The following TNKS variants were observed in gnomAD, a reference collection of about 807,000 sequenced individuals.
The protein encoded by TNKS is poly [ADP-ribose] polymerase tankyrase-1.
A neutral mutation model predicts 135.8 loss-of-function variants in TNKS; 72 were observed. The ratio of observed to expected loss-of-function variants is 0.53; its 90% CI spans 0.44 to 0.64. The LOEUF is 0.64. Ranked by LOEUF, TNKS falls within the 30% of genes least tolerant of loss-of-function variation. TNKS has a pLI of 0.00. For synonymous variants in TNKS, 849 were observed against 649.3 expected (o/e 1.31, Z -4.68); for missense variants, 1,769 against 1,674.0 (o/e 1.06, Z -0.99).
chr8:9,735,398 T>C lies in TNKS; in HGVS notation c.2555T>C (p.Val852Ala). The C allele has an allele frequency of 6.2e-7, 1 of 1,614,074 alleles. No individual in the cohort carries two copies. Residue 852 changes from valine to alanine, a missense_variant, in exon 17 of 27, where the codon GTA becomes GCA. Physicochemically the swap from Val to Ala is moderately conservative, Grantham distance 64 (BLOSUM62 0). Around this residue, in one of 5 missense-constraint regions of TNKS, gnomAD observed 722 missense variants for 688.9 expected, o/e 1.05. Transcript: ENST00000310430. The part of the protein sequence containing the change: ...HLAAGYNNLE[V>A]AEYLLEHGAD... The stretch of plus-strand genomic sequence containing the variant: ...ATAGCAGGCTATAATAACCTGGAAG[T>C]AGCTGAATATCTTCTAGAGCATGGA...
At chr8:9,680,350 T>TTTTTTTTGTG (rs144968749) in intron 4 of TNKS, among the ~76,000 whole-genome samples, 12,428 of 151,742 alleles carry the variant, frequency 0.082, 552 homozygotes, top group South Asian at 0.18. Context: ...TCCTCATCTA[T>TTTTTTTTGTG]TTTTTTTGTG....
chr8:9,660,831 G>C (rs2128787368), intron 3 of TNKS, among the ~76,000 whole-genome samples: 1 of 152,256 alleles, frequency 6.6e-6, no homozygotes, highest in South Asian at 2.1e-4. Flanking sequence ...TGTATATCTA[G>C]AAAACCCCAT....
intron 1 of TNKS, among the ~76,000 whole-genome samples, chr8:9,576,613 T>G (rs1353121559): frequency 6.6e-6 from 1 of 151,994 alleles, no homozygotes; most frequent in Non-Finnish European, 1.5e-5. Flanking sequence ...TTCACTCATG[T>G]GACAGCACTA....
chr8:9,556,799 G>C (rs1344763673), intron 1 of TNKS, 187 bp downstream of exon 1: 265 of 392,884 alleles, frequency 6.7e-4, no homozygotes, highest in East Asian at 8.1e-4. Flanking sequence ...GGTTGGGGGG[G>C]ATAAGTGAAT....
rs1554476739 is a variant in TNKS at position 9,717,103 on chromosome 8, T to TATATATATATATATATATATTTA, written c.1750-3271_1750-3270insATATATATATATATATATATTTA. 1.5e-3 allele frequency among the ~76,000 whole-genome samples: 58 copies of TATATATATATATATATATATTTA among 39,272 alleles called. 2 individuals are homozygous for TATATATATATATATATATATTTA. Among genetic ancestry groups the TATATATATATATATATATATTTA allele is most frequent in the South Asian group, 9.3e-3 (11 of 1,188 alleles). 25.8% of individuals were successfully genotyped at this position (39,272 alleles called of 152,430 possible). On this transcript the variant is annotated intron_variant, in intron 11 of 26. Coordinates refer to ENST00000310430, the MANE Select transcript of TNKS (RefSeq NM_003747.3). ...TATATATATATATATATATATATATTTTCAGGGAATTTGATTGTTTCTTTT... is the reference window on the plus strand; with the variant it reads ...TATATATATATATATATATATATATTATATATATATATATATATATTTATTCAGGGAATTTGATTGTTTCTTTT...
In TNKS at chr8:9,765,800, A is replaced by C. The variant is rs752322264; in HGVS notation, c.3553+3A>C. 2 of 1,613,218 alleles carry C rather than the reference A, an allele frequency of 1.2e-6. No homozygotes were observed. On this transcript the variant is annotated splice_donor_region_variant and intron_variant, in intron 24 of 26. Transcript: ENST00000310430. ...CAATGAGCGCATGTTGTTTCATGGT[A>C]AGCAGCGTGGCAGGGACGGTGGACG...
At chr8:9,724,508 G>C (rs1805064777) in intron 12 of TNKS, among the ~76,000 whole-genome samples, 1 of 152,084 alleles carries the variant, frequency 6.6e-6, no homozygotes, top group Non-Finnish European at 1.5e-5. Flanking sequence ...ATAGTACTTT[G>C]CATACAAGCT....
At chr8:9,605,260 C>G (rs1437475629) in intron 2 of TNKS, among the ~76,000 whole-genome samples, 1 of 151,924 alleles carries the variant, frequency 6.6e-6, no homozygotes, top group African/African-American at 2.4e-5. Context: ...GAAATATGTT[C>G]TTGTGTGTCT....
chr8:9,581,195 T>C (rs911187503), intron 2 of TNKS, among the ~76,000 whole-genome samples: 15 of 152,218 alleles, frequency 9.9e-5, no homozygotes, highest in Non-Finnish European at 1.9e-4. Flanking sequence ...TTAAAAGATA[T>C]AGTGGTGGTG....
intron 2 of TNKS, among the ~76,000 whole-genome samples, chr8:9,603,859 C>G (rs1799114671): frequency 6.6e-6 from 1 of 152,022 alleles, no homozygotes; most frequent in African/African-American, 2.4e-5. Flanking sequence ...TTTTGTGTCT[C>G]AAATTTAATC....
intron 1 of TNKS, among the ~76,000 whole-genome samples, chr8:9,572,355 G>T (rs1322251297): frequency 1.3e-5 from 2 of 152,134 alleles, no homozygotes; most frequent in African/African-American, 2.4e-5. Context: ...CTTTGTTGTT[G>T]TTAGACTTTG....
At chr8:9,728,424 A>C (rs973934464) in intron 13 of TNKS, among the ~76,000 whole-genome samples, 1 of 152,222 alleles carries the variant, frequency 6.6e-6, no homozygotes, top group Non-Finnish European at 1.5e-5. Context: ...TTAAAAATCA[A>C]ATATTTAATA....
intron 14 of TNKS, among the ~76,000 whole-genome samples, chr8:9,732,012 C>T (rs571043496): frequency 5.3e-5 from 8 of 152,250 alleles, no homozygotes; most frequent in Admixed American, 1.3e-4. Context: ...TGGTCTCAAT[C>T]TCCTGACCTC....
intron 26 of TNKS, among the ~76,000 whole-genome samples, chr8:9,770,678 A>G (rs143106721): frequency 8.9e-4 from 136 of 152,374 alleles, no homozygotes; most frequent in African/African-American, 3.1e-3. Flanking sequence ...CTTCAAATGA[A>G]TACCATAACT....
chr8:9,666,922 A>G (rs1802026204), intron 3 of TNKS, among the ~76,000 whole-genome samples: 1 of 152,164 alleles, frequency 6.6e-6, no homozygotes, highest in African/African-American at 2.4e-5. Context: ...AGAGGTATGT[A>G]ATATATTTCA....
intron 19 of TNKS, 149 bp from the exon 20 acceptor site, chr8:9,752,395 T>C: frequency 1.8e-6 from 1 of 546,340 alleles, no homozygotes; most frequent in South Asian, 2.8e-5. Context: ...ATAAAGTGTC[T>C]AAATTAAATC....
chr8:9,602,570 C>G (rs1799058313), intron 2 of TNKS, among the ~76,000 whole-genome samples: 1 of 152,212 alleles, frequency 6.6e-6, no homozygotes, highest in South Asian at 2.1e-4. Flanking sequence ...CTAGCGGAGT[C>G]TCCAGAGCAC....
chr8:9,699,101 G>A (rs1417699213), intron 5 of TNKS, among the ~76,000 whole-genome samples: 3 of 152,222 alleles, frequency 2.0e-5, no homozygotes, highest in Non-Finnish European at 4.4e-5. Context: ...GCTGTGCTGT[G>A]TATGTGGATG....
intron 3 of TNKS, among the ~76,000 whole-genome samples, chr8:9,672,713 A>ACACACACAC (rs1563158502): frequency 2.0e-5 from 2 of 98,066 alleles, no homozygotes; most frequent in African/African-American, 6.6e-5. Flanking sequence ...CACACACACA[A>ACACACACAC]AAAAAAAAAA....
Sources: allele counts gnomAD v4.1 joint callset (sites outside exome capture counted in the v4.1 genomes callset), GRCh38; gene constraint gnomAD v4.1.1; regional missense constraint gnomAD v4.1.1; transcripts MANE v1.5; gene names NCBI Gene and HGNC (gene_info 2026-07-23, HGNC 2026-07-21).